USP9X: variants seen among roughly 807,000 people sequenced by gnomAD.
USP9X encodes the protein ubiquitin specific peptidase 9 X-linked, also known as ubiquitin carboxyl-terminal hydrolase 9X.
Under a neutral mutation model 190.3 loss-of-function variants are expected in USP9X, and 7 were observed. That is an observed-to-expected ratio of 0.04 (90% confidence interval 0.02 to 0.07). The LOEUF is 0.07. USP9X is among the 10% of genes least tolerant of loss of function. USP9X has a pLI of 1.00. For missense variants in USP9X, 1,010 were observed against 1,916.9 expected (o/e 0.53, Z 8.83); for synonymous variants, 645 against 659.5 (o/e 0.98, Z 0.34).
intron 2 of USP9X, among the ~76,000 whole-genome samples, chrX:41,125,684 A>ACACACACACACTCTCTCTCTCTCTCT: frequency 6.3e-4 from 12 of 19,017 alleles, no homozygotes; most frequent in East Asian, 1.9e-3. Flanking sequence ...ACACACACAC[A>ACACACACACACTCTCTCTCTCTCTCT]CTCTCTCTCT....
Position 41,109,135 on chromosome X carries a change from TTAAA to T in USP9X, c.-158-14330_-158-14327del, listed in dbSNP as rs1328333590. On this transcript the variant is annotated intron_variant, in intron 1 of 44. Coordinates refer to ENST00000378308, the MANE Select transcript of USP9X (RefSeq NM_001039591.3). ...CCTTACTGAGATATGGTAGATTTTCTTAAATAAATTATTTTTTCATTTGGTATAT... is the reference window on the plus strand; with the variant it reads ...CCTTACTGAGATATGGTAGATTTTCTTAAATTATTTTTTCATTTGGTATAT... 4.4e-3 allele frequency among the ~76,000 whole-genome samples: 489 copies of T among 112,128 alleles called. 2 individuals are homozygous for T. Among genetic ancestry groups the T allele is most frequent in the African/African-American group, 0.015 (472 of 30,890 alleles).
At chrX:41,121,703 C>G (rs1161707120) in intron 1 of USP9X, among the ~76,000 whole-genome samples, 2 of 111,300 alleles carry the variant, frequency 1.8e-5, no homozygotes, top group African/African-American at 6.5e-5. Flanking sequence ...ACCTTAGAGT[C>G]ATTCACTGGG....
chrX:41,214,851 T>C, intron 34 of USP9X, 142 bp downstream of exon 34: 1 of 609,315 alleles, frequency 1.6e-6, no homozygotes, highest in Non-Finnish European at 2.4e-6. Context: ...GTAGTCAATA[T>C]GATAACTAAT....
rs2063381236 is a variant in USP9X, at chrX:41,233,820, G to C, written c.*1296G>C. 8.9e-6 allele frequency: 1 copy of C among 112,155 alleles called. No homozygotes were observed. The highest frequency in any genetic ancestry group is 3.2e-5 in the African/African-American group (1 of 30,788). 9.2% of individuals were successfully genotyped at this position (112,155 alleles called of 1,213,427 possible). A position where few individuals can be genotyped will look rare whatever the true frequency, so the allele number is the denominator to read the frequency against. ...AATAAGGAAATCCTCAGTTCATACT[G>C]TATTTAAAAGAGAATTGGTAACTTG... On this transcript the variant is annotated 3_prime_UTR_variant, in exon 45 of 45. Transcript: ENST00000378308.
intron 3 of USP9X, among the ~76,000 whole-genome samples, chrX:41,130,477 T>TG (rs2062300134): frequency 1.0e-5 from 1 of 99,075 alleles, no homozygotes; most frequent in African/African-American, 3.7e-5. Context: ...TTTTTTCTTT[T>TG]TTTTTTTGTT....
chrX:41,160,409 C>A (rs2062619608), intron 14 of USP9X, among the ~76,000 whole-genome samples: 1 of 110,171 alleles, frequency 9.1e-6, no homozygotes, highest in Non-Finnish European at 1.9e-5. Context: ...ATAAAGGCAT[C>A]TTATTTCTTG....
rs780441399 is a variant in USP9X, at chrX:41,184,826, G to A, written c.3558+151G>A. On this transcript the variant is annotated intron_variant, in intron 23 of 44. Coordinates refer to ENST00000378308, the MANE Select transcript of USP9X (RefSeq NM_001039591.3). Reference sequence around the variant, plus strand: ...TTTCTTTATGATGTTTGTATTAAAAGTGCAAATACTTTTCGCTGACAGCTG... The same window carrying A: ...TTTCTTTATGATGTTTGTATTAAAAATGCAAATACTTTTCGCTGACAGCTG... 2.1e-4 allele frequency: 99 copies of A among 471,374 alleles called. No homozygotes were observed. The Middle Eastern group carries it at 0.011, about 51-fold the overall frequency. 38.8% of individuals were successfully genotyped at this position (471,374 alleles called of 1,213,427 possible). A position where few individuals can be genotyped will look rare whatever the true frequency, so the allele number is the denominator to read the frequency against.
chrX:41,201,896 G>A (rs1239840777), intron 31 of USP9X, among the ~76,000 whole-genome samples: 4 of 111,386 alleles, frequency 3.6e-5, no homozygotes, highest in Non-Finnish European at 3.8e-5. Context: ...ACTTGAACCC[G>A]GAAGGTGGAG....
intron 1 of USP9X, among the ~76,000 whole-genome samples, chrX:41,120,861 C>G (rs1223201533): frequency 4.1e-5 from 4 of 97,429 alleles, no homozygotes; most frequent in Admixed American, 3.5e-4. Flanking sequence ...TTTTTTGAGA[C>G]AGGGTCTCGC....
intron 42 of USP9X, 78 bp from the exon 43 acceptor site, chrX:41,229,489 A>G: frequency 5.2e-6 from 6 of 1,157,991 alleles, no homozygotes; most frequent in Non-Finnish European, 5.8e-6. Context: ...GAATCATGAG[A>G]ACTTGGGGTT....
intron 38 of USP9X, among the ~76,000 whole-genome samples, chrX:41,220,735 C>CAAGGT: frequency 9.2e-6 from 1 of 108,877 alleles, no homozygotes; most frequent in Non-Finnish European, 1.9e-5. Context: ...AGGCGGATCA[C>CAAGGT]CTGAGGTATG....
intron 1 of USP9X, among the ~76,000 whole-genome samples, chrX:41,103,878 A>G: frequency 9.0e-6 from 1 of 111,607 alleles, no homozygotes. Flanking sequence ...AATGGGAAAT[A>G]TATTTCTAAC....
chrX:41,193,522 G>C lies in USP9X; in HGVS notation c.3978-2729G>C, dbSNP rs183017156. Among the ~76,000 whole-genome samples, 234 of 110,469 alleles carry C rather than the reference G, an allele frequency of 2.1e-3. 1 individual carries two copies. The highest frequency in any genetic ancestry group is 7.9e-3 in the South Asian group (20 of 2,546). ...TAAAGAAAATAGAAAAAATAAGCCG[G>C]GTATGGTGAACATGCCTGTAGTCCC... On this transcript the variant is annotated intron_variant, in intron 26 of 44. Coordinates refer to ENST00000378308, the MANE Select transcript of USP9X (RefSeq NM_001039591.3).
At chrX:41,106,522 ATT>A (rs35038623) in intron 1 of USP9X, among the ~76,000 whole-genome samples, 9 of 58,782 alleles carry the variant, frequency 1.5e-4, no homozygotes, top group Non-Finnish European at 1.8e-4. Context: ...TTCTGAATTA[ATT>A]TTTTTTTTTT....
At chrX:41,110,849 G>A (rs887446637) in intron 1 of USP9X, among the ~76,000 whole-genome samples, 14 of 111,632 alleles carry the variant, frequency 1.3e-4, no homozygotes, top group African/African-American at 3.9e-4. Context: ...GAGATTGAAA[G>A]TGTTGAGATT....
chrX:41,216,792 C>CA, intron 35 of USP9X, 140 bp downstream of exon 35: 1 of 752,710 alleles, frequency 1.3e-6, no homozygotes, highest in Non-Finnish European at 1.8e-6. Context: ...CCTGTAATCC[C>CA]AGCACTTTGG....
In USP9X at chrX:41,161,635, C is replaced by CTTTTTTTTTTTTTTTTTTTTTT. The variant is rs759623425; in HGVS notation, c.1898-1153_1898-1132dup. On this transcript the variant is annotated intron_variant, in intron 14 of 44. Coordinates refer to ENST00000378308, the MANE Select transcript of USP9X (RefSeq NM_001039591.3). ...ACAGGCGTGAGCCATGGCGCCCTGC[C>CTTTTTTTTTTTTTTTTTTTTTT]TTTTTTTTTTTTTTTTTTTTTTTAA... is the stretch of plus-strand genomic sequence containing the variant. 4.9e-4 allele frequency among the ~76,000 whole-genome samples: 23 copies of CTTTTTTTTTTTTTTTTTTTTTT among 47,408 alleles called. 4 individuals are homozygous for CTTTTTTTTTTTTTTTTTTTTTT. The highest frequency in any genetic ancestry group is 1.8e-3 in the Admixed American group (6 of 3,260). 41.2% of individuals were successfully genotyped at this position (47,408 alleles called of 115,157 possible).
At chrX:41,230,468 C>G (rs754842049) in intron 43 of USP9X, 33 bp from the exon 44 acceptor site, 2 of 1,152,292 alleles carry the variant, frequency 1.7e-6, no homozygotes, top group Admixed American at 4.5e-5. Flanking sequence ...AGTTTGCCTA[C>G]GTAATTTTTT....
chrX:41,160,600 A>G (rs1335621488), intron 14 of USP9X, among the ~76,000 whole-genome samples: 4 of 111,397 alleles, frequency 3.6e-5, no homozygotes, highest in African/African-American at 1.3e-4. Context: ...CTCTCTACAA[A>G]TTACTTATTA....
Sources: allele counts gnomAD v4.1 joint callset (sites outside exome capture counted in the v4.1 genomes callset), GRCh38; gene constraint gnomAD v4.1.1; transcripts MANE v1.5; gene names NCBI Gene and HGNC (gene_info 2026-07-23, HGNC 2026-07-21).